The following PTPRD variants were observed in gnomAD, a reference collection of about 807,000 sequenced individuals.
PTPRD encodes receptor-type tyrosine-protein phosphatase delta.
In PTPRD, 34 loss-of-function variants were observed where a neutral mutation model predicts 214.5. The observed-to-expected ratio is 0.16, with a 90% CI of 0.12 to 0.21. PTPRD has a LOEUF of 0.21. Ranked by LOEUF, PTPRD falls within the 10% of genes least tolerant of loss-of-function variation. The probability of loss-of-function intolerance (pLI) is 1.00; values close to 1 mark genes in which losing one functional copy is unlikely to be tolerated. For synonymous variants in PTPRD, 1,128 were observed against 845.7 expected (o/e 1.33, Z -5.79); for missense variants, 2,545 against 2,398.7 (o/e 1.06, Z -1.27).
chr9:9,906,343 C>T (rs1002257885), intron 5 of PTPRD, among the ~76,000 whole-genome samples: 1 of 151,814 alleles, frequency 6.6e-6, no homozygotes, highest in Non-Finnish European at 1.5e-5. Flanking sequence ...CCAGTAATTC[C>T]AACTTCACTC....
chr9:9,055,029 G>T (rs111777115), intron 10 of PTPRD, among the ~76,000 whole-genome samples: 1 of 152,154 alleles, frequency 6.6e-6, no homozygotes, highest in Non-Finnish European at 1.5e-5. Context: ...TGCAAGGACT[G>T]AAACTTGTCA....
At chr9:9,379,064 T>A (rs1273187001) in intron 9 of PTPRD, among the ~76,000 whole-genome samples, 1 of 151,580 alleles carries the variant, frequency 6.6e-6, no homozygotes, top group Non-Finnish European at 1.5e-5. Context: ...GTGTTATAAT[T>A]AAAAAGTCAT....
At chr9:10,222,796 T>G (rs955910668) in intron 3 of PTPRD, among the ~76,000 whole-genome samples, 1 of 151,954 alleles carries the variant, frequency 6.6e-6, no homozygotes, top group Non-Finnish European at 1.5e-5. Flanking sequence ...TGATCTGAAA[T>G]GACAATAAAA....
At chr9:10,089,115 A>T (rs1430074613) in intron 3 of PTPRD, among the ~76,000 whole-genome samples, 1 of 151,258 alleles carries the variant, frequency 6.6e-6, no homozygotes. Context: ...GCTGAGGTGG[A>T]AGGATTGCTT....
intron 9 of PTPRD, among the ~76,000 whole-genome samples, chr9:9,254,005 T>A (rs2099976593): frequency 6.6e-6 from 1 of 152,098 alleles, no homozygotes; most frequent in Non-Finnish European, 1.5e-5. Flanking sequence ...TGCCTTCTCC[T>A]TTGTGTCTCT....
intron 14 of PTPRD, among the ~76,000 whole-genome samples, chr9:8,608,491 A>G (rs1026396673): frequency 6.6e-6 from 1 of 152,144 alleles, no homozygotes; most frequent in African/African-American, 2.4e-5. Context: ...TCAAATCTAA[A>G]GCAACTGGTA....
intron 10 of PTPRD, among the ~76,000 whole-genome samples, chr9:9,154,083 G>C (rs1244279849): frequency 1.3e-5 from 2 of 152,112 alleles, no homozygotes; most frequent in East Asian, 3.9e-4. Flanking sequence ...TGATTTGTCT[G>C]CTTGCACTCT....
At chr9:8,780,126 C>G (rs1409770637) in intron 11 of PTPRD, among the ~76,000 whole-genome samples, 1 of 141,998 alleles carries the variant, frequency 7.0e-6, no homozygotes, top group Admixed American at 6.9e-5. Context: ...TAGCATTTTC[C>G]AAACAAAAGG....
intron 3 of PTPRD, among the ~76,000 whole-genome samples, chr9:10,214,429 A>ATTTTTTTTTTTTTTTTT (rs35115543): frequency 8.3e-6 from 1 of 120,754 alleles, no homozygotes; most frequent in Non-Finnish European, 1.8e-5. Context: ...AAGCCCAACT[A>ATTTTTTTTTTTTTTTTT]TTTTTTTTTT....
chr9:8,787,170 C>T (rs2154501172), intron 11 of PTPRD, among the ~76,000 whole-genome samples: 1 of 152,266 alleles, frequency 6.6e-6, no homozygotes, highest in African/African-American at 2.4e-5. Context: ...AGAACTTACA[C>T]ATTCCTATTG....
intron 5 of PTPRD, among the ~76,000 whole-genome samples, chr9:9,767,365 T>C (rs1279477813): frequency 6.6e-6 from 1 of 152,084 alleles, no homozygotes; most frequent in African/African-American, 2.4e-5. Flanking sequence ...TTTCAGGCAG[T>C]GCATCTAGAA....
At chr9:9,277,663 A>G (rs1946185540) in intron 9 of PTPRD, among the ~76,000 whole-genome samples, 1 of 151,448 alleles carries the variant, frequency 6.6e-6, no homozygotes, top group South Asian at 2.1e-4. Context: ...GGTAGTAATG[A>G]AAGTTTCCCA....
At chr9:8,487,118 G>C (rs182409272) in intron 27 of PTPRD, among the ~76,000 whole-genome samples, 3 of 152,210 alleles carry the variant, frequency 2.0e-5, no homozygotes, top group Non-Finnish European at 4.4e-5. Context: ...ATTATATTAA[G>C]AGCTATTTTA....
chr9:9,906,025 G>C (rs2077486910), intron 5 of PTPRD, among the ~76,000 whole-genome samples: 1 of 151,874 alleles, frequency 6.6e-6, no homozygotes. Context: ...TTGAAGTACA[G>C]CTGAGAAGCA....
At chr9:10,568,090 A>G (rs1374357256) in intron 2 of PTPRD, among the ~76,000 whole-genome samples, 49 of 150,484 alleles carry the variant, frequency 3.3e-4, no homozygotes, top group African/African-American at 1.2e-3. Context: ...AGCATTAGGT[A>G]TATCTCCTAA....
intron 9 of PTPRD, among the ~76,000 whole-genome samples, chr9:9,236,254 A>AAAAT (rs1211393804): frequency 6.6e-6 from 1 of 152,144 alleles, no homozygotes; most frequent in African/African-American, 2.4e-5. Flanking sequence ...ACCCCATCCC[A>AAAAT]AAATAAATAA....
intron 9 of PTPRD, among the ~76,000 whole-genome samples, chr9:9,376,167 G>C (rs747482572): frequency 6.6e-6 from 1 of 152,028 alleles, no homozygotes; most frequent in Admixed American, 6.6e-5. Flanking sequence ...TGAATAATTT[G>C]TGTTGAGTGT....
At chr9:9,212,306 C>T (rs2099949285) in intron 9 of PTPRD, among the ~76,000 whole-genome samples, 1 of 152,084 alleles carries the variant, frequency 6.6e-6, no homozygotes, top group Non-Finnish European at 1.5e-5. Context: ...AATAATATCA[C>T]TAATACACAT....
intron 11 of PTPRD, among the ~76,000 whole-genome samples, chr9:8,911,961 C>G (rs191614068): frequency 2.0e-5 from 3 of 152,094 alleles, no homozygotes; most frequent in South Asian, 2.1e-4. Context: ...GCGATACAAC[C>G]CTAGTCCCAC....
Sources: allele counts gnomAD v4.1 joint callset (sites outside exome capture counted in the v4.1 genomes callset), GRCh38; gene constraint gnomAD v4.1.1; transcripts MANE v1.5; gene names NCBI Gene and HGNC (gene_info 2026-07-23, HGNC 2026-07-21).